The following LRRTM3 variants were observed in gnomAD, a reference collection of about 807,000 sequenced individuals.
LRRTM3 encodes leucine rich repeat transmembrane neuronal 3.
LRRTM3 carries 24 observed loss-of-function variants against 44.7 expected under a neutral mutation model. The ratio of observed to expected loss-of-function variants is 0.54; its 90% CI spans 0.39 to 0.76. The LOEUF (loss-of-function observed/expected upper bound fraction) is 0.76, where lower values mean the gene tolerates loss of function less well. Among genes scored for constraint, LRRTM3 ranks in the 30% least tolerant of loss-of-function variants. LRRTM3 has a pLI of 0.00. For missense variants in LRRTM3, 587 were observed against 702.2 expected (o/e 0.84, Z 1.85); for synonymous variants, 277 against 278.7 (o/e 0.99, Z 0.06).
chr10:66,935,990 C>T lies in LRRTM3; in HGVS notation c.1536+7538C>T, dbSNP rs140208209. Among the ~76,000 whole-genome samples the T allele has an allele frequency of 1.6e-3, 243 of 152,260 alleles. 1 individual carries two copies. The highest frequency in any genetic ancestry group is 0.01 in the Middle Eastern group (3 of 294). ...CCGATGATTTACCATTAGAACATCC[C>T]TCTGCTAGTTAAAGTCTAATCTGCC... On this transcript the variant is annotated intron_variant, in intron 2 of 2. Coordinates refer to ENST00000361320, the MANE Select transcript of LRRTM3 (RefSeq NM_178011.5).
At chr10:67,006,569 A>G (rs370754893) in intron 2 of LRRTM3, among the ~76,000 whole-genome samples, 4 of 152,286 alleles carry the variant, frequency 2.6e-5, no homozygotes, top group Admixed American at 1.3e-4. Context: ...TCTACCTGCT[A>G]AAGTAGAAGT....
chr10:67,051,365 A>G (rs1391127599), intron 2 of LRRTM3, among the ~76,000 whole-genome samples: 1 of 152,202 alleles, frequency 6.6e-6, no homozygotes, highest in Non-Finnish European at 1.5e-5. Flanking sequence ...ACCAAAAGAT[A>G]TTTCAATTGA....
At chr10:67,021,855 A>G (rs1853034773) in intron 2 of LRRTM3, among the ~76,000 whole-genome samples, 1 of 152,200 alleles carries the variant, frequency 6.6e-6, no homozygotes, top group African/African-American at 2.4e-5. Flanking sequence ...AGAAATAAAC[A>G]GGAGTGAAGT....
intron 2 of LRRTM3, among the ~76,000 whole-genome samples, chr10:67,034,466 G>C (rs1853919797): frequency 6.6e-6 from 1 of 152,116 alleles, no homozygotes. Flanking sequence ...CTAGTGTCCA[G>C]TGCCTATACT....
intron 2 of LRRTM3, among the ~76,000 whole-genome samples, chr10:66,932,135 A>T (rs1464538678): frequency 1.3e-5 from 2 of 151,994 alleles, no homozygotes; most frequent in Admixed American, 1.3e-4. Flanking sequence ...CCAGCTGAAC[A>T]CTGGTTCTAT....
chr10:66,953,359 C>T (rs930042857), intron 2 of LRRTM3, among the ~76,000 whole-genome samples: 3 of 152,206 alleles, frequency 2.0e-5, no homozygotes, highest in Non-Finnish European at 4.4e-5. Flanking sequence ...TAAATGCTCA[C>T]TGCCGGTTGT....
chr10:67,088,720 A>G (rs1359993266), intron 2 of LRRTM3, among the ~76,000 whole-genome samples: 1 of 152,038 alleles, frequency 6.6e-6, no homozygotes, highest in Non-Finnish European at 1.5e-5. Flanking sequence ...GTTTTTGCAC[A>G]AATACCACTA....
intron 2 of LRRTM3, among the ~76,000 whole-genome samples, chr10:67,009,540 T>C (rs1207135707): frequency 6.6e-6 from 1 of 151,986 alleles, no homozygotes; most frequent in Non-Finnish European, 1.5e-5. Flanking sequence ...TGTTTGTTTG[T>C]TTGCTTGTCC....
chr10:67,035,797 TA>T (rs5785812), intron 2 of LRRTM3, among the ~76,000 whole-genome samples: 127,196 of 151,878 alleles, frequency 0.84, 54,298 homozygotes, highest in Admixed American at 0.92. Flanking sequence ...ACATTTGCTT[TA>T]AAAAAAAATC....
chr10:67,060,255 C>G (rs1423174897), intron 2 of LRRTM3, among the ~76,000 whole-genome samples: 2 of 152,072 alleles, frequency 1.3e-5, no homozygotes, highest in Non-Finnish European at 2.9e-5. Context: ...GAGGTAGAGG[C>G]TGCAGTGAGC....
chr10:66,959,560 T>A (rs1359067441), intron 2 of LRRTM3, among the ~76,000 whole-genome samples: 3 of 152,076 alleles, frequency 2.0e-5, no homozygotes, highest in African/African-American at 7.2e-5. Flanking sequence ...GAAAGAGAAT[T>A]AACCTCTCTG....
intron 2 of LRRTM3, among the ~76,000 whole-genome samples, chr10:67,036,540 T>A (rs1437603679): frequency 6.6e-6 from 1 of 151,996 alleles, no homozygotes; most frequent in Non-Finnish European, 1.5e-5. Context: ...GGCAGCTTTT[T>A]AAAAAAATTT....
intron 2 of LRRTM3, among the ~76,000 whole-genome samples, chr10:67,080,459 A>G (rs1856989667): frequency 6.6e-6 from 1 of 152,224 alleles, no homozygotes. Context: ...TTAGAATGTT[A>G]GGTCCCAGCA....
chr10:66,929,936 A>C lies in LRRTM3; in HGVS notation c.1536+1484A>C, dbSNP rs1286330261. ...TATAGAAGCAAATATCAGGAACTGC[A>C]ACATTGAGGCTGTTTCATTTAATTT... On this transcript the variant is annotated intron_variant, in intron 2 of 2. Coordinates refer to ENST00000361320, the MANE Select transcript of LRRTM3 (RefSeq NM_178011.5). Among the ~76,000 whole-genome samples, 4 of 152,216 alleles carry C rather than the reference A, an allele frequency of 2.6e-5. No homozygotes were observed. In the East Asian group the frequency reaches 7.7e-4, roughly 29 times the overall value.
intron 2 of LRRTM3, among the ~76,000 whole-genome samples, chr10:66,971,609 C>A (rs1301684879): frequency 6.6e-6 from 1 of 152,008 alleles, no homozygotes; most frequent in African/African-American, 2.4e-5. Context: ...TGTAATGCAC[C>A]TAGTAGAGTG....
intron 2 of LRRTM3, among the ~76,000 whole-genome samples, chr10:67,048,236 T>C (rs1564853967): frequency 6.6e-6 from 1 of 152,202 alleles, no homozygotes; most frequent in East Asian, 1.9e-4. Context: ...AAAAATCATT[T>C]ATATAAACGA....
chr10:67,026,607 A>G (rs1051788748), intron 2 of LRRTM3, among the ~76,000 whole-genome samples: 13 of 152,178 alleles, frequency 8.5e-5, no homozygotes, highest in Non-Finnish European at 1.9e-4. Flanking sequence ...AAGAAAGAAC[A>G]GTCTTCTGAA....
chr10:67,003,308 T>C (rs1851787678), intron 2 of LRRTM3, among the ~76,000 whole-genome samples: 1 of 152,186 alleles, frequency 6.6e-6, no homozygotes, highest in Admixed American at 6.5e-5. Context: ...TCTTCTGCTT[T>C]AACCCTAATA....
Position 66,978,536 on chromosome 10 carries a change from A to ATAAAATAAAATAAAAATAAAAAAAAT in LRRTM3, c.1536+50084_1536+50085insTAAAATAAAATAAAAATAAAAAAAAT, listed in dbSNP as rs1429128054. Among the ~76,000 whole-genome samples, 46 of 94,380 alleles carry ATAAAATAAAATAAAAATAAAAAAAAT rather than the reference A, an allele frequency of 4.9e-4. 2 individuals are homozygous for ATAAAATAAAATAAAAATAAAAAAAAT. Among genetic ancestry groups the ATAAAATAAAATAAAAATAAAAAAAAT allele is most frequent in the Non-Finnish European group, 5.0e-4 (23 of 45,896 alleles). 61.9% of individuals were successfully genotyped at this position (94,380 alleles called of 152,430 possible). On this transcript the variant is annotated intron_variant, in intron 2 of 2. Coordinates refer to ENST00000361320, the MANE Select transcript of LRRTM3 (RefSeq NM_178011.5). The stretch of plus-strand genomic sequence containing the variant: ...AGTGAGACTCCATCTCAAAAAAAAA[A>ATAAAATAAAATAAAAATAAAAAAAAT]AAAAAAAAAAAAAAAAATATATATA...
Sources: gnomAD v4.1 joint callset for allele counts (sites outside exome capture counted in the v4.1 genomes callset) on GRCh38, gnomAD v4.1.1 for gene constraint, MANE v1.5 for transcripts, NCBI Gene and HGNC (gene_info 2026-07-23, HGNC 2026-07-21) for gene names.